Variants in GRM7 observed in about 807,000 individuals in gnomAD.
The protein encoded by GRM7 is metabotropic glutamate receptor 7.
GRM7 carries 35 observed loss-of-function variants against 84.5 expected under a neutral mutation model. That is an observed-to-expected ratio of 0.41 (90% CI 0.32 to 0.55). The LOEUF (loss-of-function observed/expected upper bound fraction) is 0.55. GRM7 is among the 20% of genes least tolerant of loss of function. The pLI is 0.19. For synonymous variants in GRM7, 487 were observed against 455.1 expected, an observed-to-expected ratio of 1.07 and a Z score of -0.89; for missense variants, 1,003 against 1,194.6, an observed-to-expected ratio of 0.84 and a Z score of 2.36.
chr3:6,869,673 TAAC>T lies in GRM7; in HGVS notation c.519+7768_519+7770del, dbSNP rs147723489. Among the ~76,000 whole-genome samples the T allele has an allele frequency of 3.6e-3, 547 of 151,132 alleles. 3 individuals are homozygous for T. Among genetic ancestry groups the T allele is most frequent in the African/African-American group, 0.013 (523 of 40,590 alleles). On this transcript the variant is annotated intron_variant, in intron 1 of 9. Coordinates refer to ENST00000357716, the MANE Select transcript of GRM7 (RefSeq NM_000844.4). The stretch of plus-strand genomic sequence containing the variant: ...ATAGAAGGAGAGAGAGAGTGAGAGA[TAAC>T]ACACACACACGTGCACAGAGAGAAC...
At chr3:7,465,252 T>C (rs944797494) in intron 7 of GRM7, among the ~76,000 whole-genome samples, 5 of 152,088 alleles carry the variant, frequency 3.3e-5, no homozygotes, top group Admixed American at 2.0e-4. Context: ...TACTTGGTAT[T>C]GCATGGGACC....
At chr3:7,686,493 C>A (rs187455430) in intron 9 of GRM7, 113 of 821,566 alleles carry the variant, frequency 1.4e-4, no homozygotes, top group Admixed American at 5.4e-4. Flanking sequence ...GTTCTTGTCT[C>A]CAATGAGAAT....
intron 9 of GRM7, among the ~76,000 whole-genome samples, chr3:7,738,803 C>T (rs1371615920): frequency 6.7e-6 from 1 of 150,234 alleles, no homozygotes; most frequent in African/African-American, 2.5e-5. Flanking sequence ...GTGACTATTG[C>T]TTGCAACTGT....
chr3:7,221,205 T>A (rs889168485), intron 2 of GRM7, among the ~76,000 whole-genome samples: 7 of 152,188 alleles, frequency 4.6e-5, no homozygotes, highest in Admixed American at 3.9e-4. Flanking sequence ...TTTACTCTCA[T>A]CTGCAGTGTA....
chr3:7,595,299 A>T (rs528270690), intron 8 of GRM7, among the ~76,000 whole-genome samples: 1 of 152,230 alleles, frequency 6.6e-6, no homozygotes, highest in African/African-American at 2.4e-5. Flanking sequence ...GTTGGTAGTC[A>T]TGAAAGGCTT....
intron 8 of GRM7, among the ~76,000 whole-genome samples, chr3:7,637,391 A>G (rs1480112980): frequency 1.3e-5 from 2 of 152,218 alleles, no homozygotes; most frequent in African/African-American, 4.8e-5. Context: ...GAATCACGTC[A>G]AGCCAGCCAT....
At chr3:6,963,039 C>T (rs1693361542) in intron 1 of GRM7, among the ~76,000 whole-genome samples, 1 of 152,170 alleles carries the variant, frequency 6.6e-6, no homozygotes, top group African/African-American at 2.4e-5. Flanking sequence ...GTTCATTTCT[C>T]TGCAGTGTGT....
At chr3:6,925,257 A>G (rs1267775316) in intron 1 of GRM7, among the ~76,000 whole-genome samples, 1 of 152,142 alleles carries the variant, frequency 6.6e-6, no homozygotes, top group Admixed American at 6.5e-5. Context: ...GTCTGCTGGC[A>G]TTTTGTTTTC....
intron 1 of GRM7, among the ~76,000 whole-genome samples, chr3:6,970,649 C>T (rs1693714104): frequency 6.6e-6 from 1 of 152,004 alleles, no homozygotes; most frequent in Admixed American, 6.6e-5. Flanking sequence ...AGAGGGAAAA[C>T]CGAACAGAGA....
intron 2 of GRM7, among the ~76,000 whole-genome samples, chr3:7,281,845 C>G (rs1164408398): frequency 6.6e-6 from 1 of 152,146 alleles, no homozygotes; most frequent in Non-Finnish European, 1.5e-5. Context: ...CTTTGGGAGG[C>G]CAAGGCGGAA....
chr3:7,432,874 G>C (rs569485705), intron 5 of GRM7, among the ~76,000 whole-genome samples: 64 of 152,282 alleles, frequency 4.2e-4, no homozygotes, highest in African/African-American at 1.5e-3. Flanking sequence ...GAAGTGTATG[G>C]AGGATAAGGG....
intron 4 of GRM7, among the ~76,000 whole-genome samples, chr3:7,315,255 T>G (rs530179110): frequency 6.6e-6 from 1 of 152,330 alleles, no homozygotes; most frequent in South Asian, 2.1e-4. Flanking sequence ...CAGTCACCAG[T>G]GAAAGCTTAA....
intron 1 of GRM7, among the ~76,000 whole-genome samples, chr3:7,062,464 T>C (rs1697463574): frequency 6.6e-6 from 1 of 151,746 alleles, no homozygotes; most frequent in Non-Finnish European, 1.5e-5. Flanking sequence ...TAGCACCTAA[T>C]AAATGTGTAT....
chr3:7,472,964 A>G (rs534577852), intron 7 of GRM7, among the ~76,000 whole-genome samples: 26 of 152,306 alleles, frequency 1.7e-4, no homozygotes, highest in African/African-American at 5.5e-4. Flanking sequence ...GTATCTCAAA[A>G]AGGTAAACAT....
At chr3:7,092,871 G>A (rs966174800) in intron 1 of GRM7, among the ~76,000 whole-genome samples, 1 of 152,102 alleles carries the variant, frequency 6.6e-6, no homozygotes, top group Non-Finnish European at 1.5e-5. Flanking sequence ...ATTGCTTGAG[G>A]CCAAGAGTTA....
intron 7 of GRM7, 28 bp from the exon 8 acceptor site, chr3:7,578,394 A>T (rs1695064783): frequency 1.4e-6 from 2 of 1,466,408 alleles, no homozygotes; most frequent in East Asian, 2.3e-5. Flanking sequence ...AATCTGCCTG[A>T]TTCACCTTCT....
At chr3:7,207,870 T>G (rs536653763) in intron 2 of GRM7, among the ~76,000 whole-genome samples, 1 of 152,366 alleles carries the variant, frequency 6.6e-6, no homozygotes, top group African/African-American at 2.4e-5. Context: ...TGGCACATTT[T>G]ATCTTTCATA....
At chr3:7,342,532 T>C (rs1338282599) in intron 4 of GRM7, among the ~76,000 whole-genome samples, 1 of 152,148 alleles carries the variant, frequency 6.6e-6, no homozygotes, top group Non-Finnish European at 1.5e-5. Context: ...ATCTCCAGAG[T>C]ACACCGAGGG....
chr3:7,711,803 G>T (rs1029341498), intron 9 of GRM7, among the ~76,000 whole-genome samples: 36 of 152,186 alleles, frequency 2.4e-4, no homozygotes, highest in Admixed American at 1.9e-3. Flanking sequence ...GTGAAGAGCA[G>T]AAACTGACAA....
Sources: allele counts gnomAD v4.1 joint callset (sites outside exome capture counted in the v4.1 genomes callset), GRCh38; gene constraint gnomAD v4.1.1; transcripts MANE v1.5; gene names NCBI Gene and HGNC (gene_info 2026-07-23, HGNC 2026-07-21).